Variants in NCKAP1L observed in about 807,000 individuals in gnomAD.
The protein encoded by NCKAP1L is nck-associated protein 1-like.
NCKAP1L carries 53 observed loss-of-function variants against 139.2 expected under a neutral mutation model. The observed-to-expected ratio is 0.38, with a 90% CI of 0.31 to 0.48. The LOEUF (loss-of-function observed/expected upper bound fraction) is 0.48, where lower values mean the gene tolerates loss of function less well. Ranked by LOEUF, NCKAP1L falls within the 20% of genes least tolerant of loss-of-function variation. The probability of loss-of-function intolerance (pLI) is 0.98; values close to 1 mark genes in which losing one functional copy is unlikely to be tolerated. For missense variants in NCKAP1L, 1,151 were observed against 1,381.9 expected, an observed-to-expected ratio of 0.83 and a Z score of 2.65; for synonymous variants, 468 against 499.7, an observed-to-expected ratio of 0.94 and a Z score of 0.85.
intron 3 of NCKAP1L, among the ~76,000 whole-genome samples, chr12:54,502,451 T>C (rs1162935329): frequency 6.6e-6 from 1 of 152,212 alleles, no homozygotes; most frequent in Non-Finnish European, 1.5e-5. Context: ...ATGAATATTG[T>C]TATACTCTTC....
intron 11 of NCKAP1L, 34 bp downstream of exon 11, chr12:54,517,026 G>A: frequency 6.4e-7 from 1 of 1,571,148 alleles, no homozygotes; most frequent in Non-Finnish European, 8.7e-7. Context: ...GGGAATGATG[G>A]CCAGTGATAA....
In NCKAP1L at chr12:54,536,101, T is replaced by G. The variant is rs1283895626; in HGVS notation, c.2957-28T>G. On this transcript the variant is annotated intron_variant, in intron 27 of 30. Transcript: ENST00000293373. ...TCTGTTTGCTGACTTTATTCACTTTTCCTCTTTTCCTTTTTCCCTCTCACC... is the reference window on the plus strand; with the variant it reads ...TCTGTTTGCTGACTTTATTCACTTTGCCTCTTTTCCTTTTTCCCTCTCACC... 2.0e-6 allele frequency: 3 copies of G among 1,523,262 alleles called. No individual in the cohort carries two copies. In the Admixed American group the frequency reaches 5.0e-5, roughly 25 times the overall value. The allele number at this position is 1,523,262 out of a possible 1,614,324, so 94.4% of individuals were successfully genotyped here. A position where few individuals can be genotyped will look rare whatever the true frequency, so the allele number is the denominator to read the frequency against.
intron 28 of NCKAP1L, 60 bp downstream of exon 28, chr12:54,536,305 A>G: frequency 8.5e-7 from 1 of 1,173,260 alleles, no homozygotes; most frequent in Non-Finnish European, 1.3e-6. Flanking sequence ...TGGGGTAGAG[A>G]GAGGAGACAG....
At chr12:54,512,764 A>ATG (rs55837974) in intron 9 of NCKAP1L, among the ~76,000 whole-genome samples, 89 of 150,056 alleles carry the variant, frequency 5.9e-4, no homozygotes, top group Middle Eastern at 7.0e-3. Flanking sequence ...GAGTGTGTGT[A>ATG]TGTGTGTGTG....
chr12:54,532,900 A>T (rs1957084221), intron 26 of NCKAP1L, among the ~76,000 whole-genome samples: 1 of 152,268 alleles, frequency 6.6e-6, no homozygotes, highest in Non-Finnish European at 1.5e-5. Context: ...GCTAGAGCCT[A>T]GGAATAGAAT....
chr12:54,511,646 A>C lies in NCKAP1L; in HGVS notation c.736-157A>C, dbSNP rs76705315. Among the ~76,000 whole-genome samples, 282 of 152,342 alleles carry C rather than the reference A, an allele frequency of 1.9e-3. 1 individual carries two copies. Among genetic ancestry groups the C allele is most frequent in the African/African-American group, 6.4e-3 (268 of 41,580 alleles). On this transcript the variant is annotated intron_variant, in intron 7 of 30. Transcript: ENST00000293373. The stretch of plus-strand genomic sequence containing the variant: ...GGTCTTGAACTCCTGGCCTCAAGCT[A>C]TCCTCCTGCCCCTGCCTCCTAAAGT...
intron 4 of NCKAP1L, 32 bp downstream of exon 4, chr12:54,507,941 G>A: frequency 6.2e-7 from 1 of 1,606,960 alleles, no homozygotes; most frequent in Non-Finnish European, 8.5e-7. Flanking sequence ...TTCTATCGTA[G>A]AGTCAAAGAA....
Position 54,509,677 on chromosome 12 carries a change from G to A in NCKAP1L, c.515G>A (p.Ser172Asn), listed in dbSNP as rs775195882. 1 of 1,613,894 alleles carries A rather than the reference G, an allele frequency of 6.2e-7. No homozygotes were observed. The highest frequency in any genetic ancestry group is 1.3e-5 in the African/African-American group (1 of 75,042). ...CCTCTGCTTTCTTCTAGTGACCCCAGTTTTGCCCGTCTGGGTCAGATGGTC... is the reference window on the plus strand; with the variant it reads ...CCTCTGCTTTCTTCTAGTGACCCCAATTTTGCCCGTCTGGGTCAGATGGTC... ...HEMLHGHGDP[S>N]FARLGQMVLE... The change falls in exon 6 of 31, where the codon AGT (serine) becomes AAT (asparagine). Residue 172 changes from serine (S) to asparagine (N), a missense_variant. By Grantham distance (46) the Ser-to-Asn change is conservative. Transcript: ENST00000293373.
chr12:54,526,057 C>T (rs988617891), intron 20 of NCKAP1L, among the ~76,000 whole-genome samples: 2 of 152,204 alleles, frequency 1.3e-5, no homozygotes, highest in Admixed American at 1.3e-4. Context: ...TTATAATATA[C>T]TTCCAAGGAT....
chr12:54,502,225 G>A (rs1372694551), intron 3 of NCKAP1L, among the ~76,000 whole-genome samples: 1 of 152,176 alleles, frequency 6.6e-6, no homozygotes, highest in African/African-American at 2.4e-5. Context: ...TCCCTAATAT[G>A]AAAGTCTGAA....
Position 54,518,660 on chromosome 12 carries a change from G to A in NCKAP1L, c.1348G>A (p.Val450Met). The A allele has an allele frequency of 6.2e-7, 1 of 1,614,038 alleles. No homozygotes were observed. The highest frequency in any genetic ancestry group is 8.5e-7 in the Non-Finnish European group (1 of 1,179,900). The change falls in exon 14 of 31, where the codon GTG becomes ATG. Residue 450 changes from valine to methionine, a missense_variant. Physicochemically the swap from Val to Met is conservative, Grantham distance 21 (BLOSUM62 1). Coordinates refer to ENST00000293373, the MANE Select transcript of NCKAP1L (RefSeq NM_005337.5). ...VLSDIIQNLS[V>M]CPEEESIIMS... Reference sequence around the variant, plus strand: ...GCAGCTCCTTTTTTAGAACTTGTCTGTGTGTCCAGAGGAGGAGTCCATCAT... The same window carrying A: ...GCAGCTCCTTTTTTAGAACTTGTCTATGTGTCCAGAGGAGGAGTCCATCAT...
intron 30 of NCKAP1L, among the ~76,000 whole-genome samples, chr12:54,540,304 C>T (rs1262486536): frequency 1.3e-5 from 2 of 152,136 alleles, no homozygotes. Flanking sequence ...GCCTTAGTTT[C>T]TCCAACTAGA....
Position 54,523,637 on chromosome 12 carries a change from A to G in NCKAP1L, c.2024+98A>G. Reference sequence around the variant, plus strand: ...ACACAGAAAGAAAAGAGCGCAAGTCATGGTGGGGAATGAGGGGCATGGAAA... The same window carrying G: ...ACACAGAAAGAAAAGAGCGCAAGTCGTGGTGGGGAATGAGGGGCATGGAAA... On this transcript the variant is annotated intron_variant, in intron 19 of 30. Transcript: ENST00000293373. The G allele has an allele frequency of 2.0e-6, 3 of 1,491,070 alleles. No individual in the cohort carries two copies. In the South Asian group the frequency reaches 4.0e-5, roughly 20 times the overall value. 92.4% of individuals were successfully genotyped at this position (1,491,070 alleles called of 1,614,324 possible).
chr12:54,506,796 A>AAATATATATATATATATAT, intron 3 of NCKAP1L, among the ~76,000 whole-genome samples: 61 of 50,578 alleles, frequency 1.2e-3, no homozygotes, highest in South Asian at 3.5e-3. Context: ...AAAAAAAAAA[A>AAATATATATATATATATAT]ATATATATAT....
intron 3 of NCKAP1L, among the ~76,000 whole-genome samples, chr12:54,506,603 T>A (rs1433243274): frequency 2.2e-5 from 3 of 138,012 alleles, no homozygotes; most frequent in African/African-American, 5.7e-5. Context: ...ATTTTTTTTA[T>A]TTTTATTTTT....
chr12:54,520,953 A>G, intron 17 of NCKAP1L, 127 bp downstream of exon 17: 1 of 1,474,098 alleles, frequency 6.8e-7, no homozygotes, highest in Non-Finnish European at 9.4e-7. Flanking sequence ...ATGAGTCCCT[A>G]AATATCTCAG....
At chr12:54,518,766 T>C (rs766478130) in intron 14 of NCKAP1L, 34 bp downstream of exon 14, 6 of 1,569,902 alleles carry the variant, frequency 3.8e-6, no homozygotes, top group East Asian at 4.5e-5. Flanking sequence ...GCAGGACATA[T>C]GTGAGGATGA....
rs548751009 is a variant in NCKAP1L at position 54,538,283 on chromosome 12, G to A, written c.3184-601G>A. The stretch of plus-strand genomic sequence containing the variant: ...CTCTCAGCATCTTAAATGCAAAGAG[G>A]ATTCACACCAGATCTCTGAGAAGGG... On this transcript the variant is annotated intron_variant, in intron 29 of 30. Transcript: ENST00000293373. 5.4e-4 allele frequency among the ~76,000 whole-genome samples: 82 copies of A among 152,294 alleles called. 1 individual carries two copies. Among genetic ancestry groups the A allele is most frequent in the African/African-American group, 1.9e-3 (81 of 41,568 alleles).
intron 4 of NCKAP1L, 31 bp downstream of exon 4, chr12:54,507,940 A>T (rs956256016): frequency 1.9e-6 from 3 of 1,606,702 alleles, no homozygotes; most frequent in Non-Finnish European, 8.5e-7. Context: ...CTTCTATCGT[A>T]GAGTCAAAGA....
Sources: gnomAD v4.1 joint callset for allele counts (sites outside exome capture counted in the v4.1 genomes callset) on GRCh38, gnomAD v4.1.1 for gene constraint, MANE v1.5 for transcripts, NCBI Gene and HGNC (gene_info 2026-07-23, HGNC 2026-07-21) for gene names.